Variants in DST observed in about 807,000 individuals in gnomAD.
DST encodes bullous pemphigoid antigen.
A neutral mutation model predicts 875.2 loss-of-function variants in DST; 253 were observed. That is an observed-to-expected ratio of 0.29 (90% CI 0.26 to 0.32). The LOEUF (loss-of-function observed/expected upper bound fraction) is 0.32, where lower values mean the gene tolerates loss of function less well. Ranked by LOEUF, DST falls within the 10% of genes least tolerant of loss-of-function variation. The pLI, the probability that DST is intolerant of heterozygous loss-of-function variation, is 1.00. For missense variants in DST, 8,287 were observed against 9,111.6 expected (o/e 0.91, Z 3.68); for synonymous variants, 3,124 against 3,197.1 (o/e 0.98, Z 0.77).
intron 3 of DST, among the ~76,000 whole-genome samples, chr6:56,875,220 G>A (rs987625699): frequency 6.6e-6 from 1 of 151,890 alleles, no homozygotes; most frequent in Non-Finnish European, 1.5e-5. Flanking sequence ...TCCTGGCCTC[G>A]TGATCCGCCC....
chr6:56,466,926 G>A lies in DST; in HGVS notation c.22570-731C>T, dbSNP rs148439194. On this transcript the variant is annotated intron_variant, in intron 98 of 103. Coordinates refer to ENST00000680361, the MANE Select transcript of DST (RefSeq NM_001374736.1). ...CATAGTTGTCTGTACCATAACTGTT[G>A]ATACTAACAGGCAATCATCTTTTTC... The A allele has an allele frequency of 1.9e-4, 29 of 152,196 alleles. No individual in the cohort carries two copies. The East Asian group carries it at 4.0e-3, about 21-fold the overall frequency. The allele number at this position is 152,196 out of a possible 1,614,324, so 9.4% of individuals were successfully genotyped here.
chr6:56,771,906 T>G (rs1449989203), intron 4 of DST, among the ~76,000 whole-genome samples: 1 of 152,184 alleles, frequency 6.6e-6, no homozygotes, highest in Non-Finnish European at 1.5e-5. Context: ...ATTATAACAT[T>G]GCATTGAAGA....
At chr6:56,644,437 G>C (rs1477302114) in intron 15 of DST, among the ~76,000 whole-genome samples, 4 of 151,346 alleles carry the variant, frequency 2.6e-5, no homozygotes, top group East Asian at 1.9e-4. Flanking sequence ...GTAAGGCACA[G>C]AGAACATGAC....
At chr6:56,520,940 G>A (rs889780939) in intron 69 of DST, among the ~76,000 whole-genome samples, 2 of 151,860 alleles carry the variant, frequency 1.3e-5, no homozygotes, top group African/African-American at 2.4e-5. Flanking sequence ...ATTTAATATC[G>A]TCAAGTTTAT....
intron 4 of DST, among the ~76,000 whole-genome samples, chr6:56,824,996 T>C (rs547966916): frequency 6.6e-6 from 1 of 151,986 alleles, no homozygotes; most frequent in East Asian, 1.9e-4. Context: ...GTCTGGGAGG[T>C]GTACCCAACA....
Position 56,640,139 on chromosome 6 carries a change from T to C in DST, c.2490+4A>G, listed in dbSNP as rs752966209. ...ACACTCAGGTAAAGTAAACATTTTTTTACCTGCATCTCATCAACCCAATTC... is the reference window on the plus strand; with the variant it reads ...ACACTCAGGTAAAGTAAACATTTTTCTACCTGCATCTCATCAACCCAATTC... On this transcript the variant is annotated splice_donor_region_variant and intron_variant, in intron 18 of 103. Coordinates refer to ENST00000680361, the MANE Select transcript of DST (RefSeq NM_001374736.1). 1.2e-6 allele frequency: 2 copies of C among 1,613,888 alleles called. No homozygotes were observed. The highest frequency in any genetic ancestry group is 2.2e-5 in the South Asian group (2 of 91,076).
chr6:56,945,041 A>G (rs1818730210), intron 2 of DST, among the ~76,000 whole-genome samples: 1 of 152,220 alleles, frequency 6.6e-6, no homozygotes, highest in South Asian at 2.1e-4. Flanking sequence ...TATACTGAAA[A>G]TGACATGGTA....
In DST at chr6:56,489,588, G is replaced by C; in HGVS notation, c.20779C>G (p.Leu6927Val). ...TCTGACTCTTCTAGCCACTCCATAA[G>C]TTTACTCCAAGCTTCATGGAACTAG... ...AKQFHEAWSK[L>V]MEWLEESEKS... is the part of the protein sequence containing the mutation. The change falls in exon 86 of 104, where the codon CTT (leucine) becomes GTT (valine). Residue 6927 changes from leucine (L) to valine (V), a missense_variant. Leu to Val is a conservative substitution (Grantham distance 32). This residue lies in a region of DST where 1,292 missense variants were observed against 1,552.7 expected (regional missense o/e 0.83). Coordinates refer to ENST00000680361, the MANE Select transcript of DST (RefSeq NM_001374736.1). The C allele has an allele frequency of 1.2e-6, 2 of 1,612,200 alleles. No homozygotes were observed. The highest frequency in any genetic ancestry group is 1.7e-6 in the Non-Finnish European group (2 of 1,179,110).
At chr6:56,639,833 C>T (rs2098871756) in intron 19 of DST, 60 bp from the exon 20 acceptor site, 1 of 1,583,676 alleles carries the variant, frequency 6.3e-7, no homozygotes, top group Middle Eastern at 2.0e-4. Flanking sequence ...CTGACTCACA[C>T]TTAATGTATC....
chr6:56,727,903 T>C (rs528159666), intron 5 of DST, among the ~76,000 whole-genome samples: 1 of 152,356 alleles, frequency 6.6e-6, no homozygotes, highest in South Asian at 2.1e-4. Flanking sequence ...GCCAACATTT[T>C]AGCTACTTCA....
intron 50 of DST, among the ~76,000 whole-genome samples, chr6:56,576,081 T>G (rs2097858880): frequency 1.3e-5 from 2 of 152,174 alleles, no homozygotes; most frequent in Non-Finnish European, 1.5e-5. Flanking sequence ...GCCAATGATG[T>G]AATCAATCAT....
rs757060967 is a variant in DST at position 56,528,850 on chromosome 6, G to C, written c.17671C>G (p.Gln5891Glu). Reference protein sequence around the residue: ...ALLNGLELLKQTTGDEVLIIQ... With the variant: ...ALLNGLELLKETTGDEVLIIQ... The stretch of plus-strand genomic sequence containing the variant: ...TTGAAAGATATCTCACCTGTGGTTT[G>C]TTTAAGTAGTTCTAAACCATTTAGT... The change falls in exon 67 of 104, where the codon CAA becomes GAA. Residue 5891 changes from glutamine (Q) to glutamate (E), a missense_variant. This residue lies in a region of DST where 777 missense variants were observed against 764.8 expected (regional missense o/e 1.02). Transcript: ENST00000680361. 8.3e-6 allele frequency: 13 copies of C among 1,567,826 alleles called. No individual in the cohort carries two copies. The East Asian group carries it at 3.0e-4, about 36-fold the overall frequency.
intron 2 of DST, among the ~76,000 whole-genome samples, chr6:56,920,009 A>G (rs1168885441): frequency 1.3e-5 from 2 of 152,198 alleles, no homozygotes; most frequent in African/African-American, 4.8e-5. Context: ...ACTTCAATCA[A>G]TGTGGTTATT....
At chr6:56,586,176 G>T (rs1489807839) in intron 49 of DST, among the ~76,000 whole-genome samples, 2 of 151,718 alleles carry the variant, frequency 1.3e-5, no homozygotes, top group Non-Finnish European at 2.9e-5. Flanking sequence ...TCGTTGATCT[G>T]TCTAATGTTG....
chr6:56,618,025 T>G, intron 36 of DST: 1 of 1,614,188 alleles, frequency 6.2e-7, no homozygotes, highest in South Asian at 1.1e-5. Context: ...CCATTTCACA[T>G]GCGTTATCTT....
intron 61 of DST, among the ~76,000 whole-genome samples, chr6:56,547,311 C>T (rs1049538351): frequency 6.6e-6 from 1 of 152,154 alleles, no homozygotes; most frequent in Admixed American, 6.5e-5. Context: ...TCTCTCTTGA[C>T]CAGCATATGG....
At chr6:56,768,798 C>T (rs1177655105) in intron 4 of DST, among the ~76,000 whole-genome samples, 1 of 152,100 alleles carries the variant, frequency 6.6e-6, no homozygotes, top group Non-Finnish European at 1.5e-5. Flanking sequence ...TGGCTGGGCA[C>T]GGTGGCTCAC....
chr6:56,620,968 A>T (rs1472309569), intron 36 of DST, among the ~76,000 whole-genome samples: 1 of 152,234 alleles, frequency 6.6e-6, no homozygotes, highest in Non-Finnish European at 1.5e-5. Flanking sequence ...TTATTTTAAA[A>T]ATTAGCTAGC....
Position 56,604,253 on chromosome 6 carries a change from T to A in DST, c.10375A>T (p.Thr3459Ser). The part of the protein sequence containing the change: ...LKQDQHSQKI[T>S]GVFELMRELT... ...TCTCTCATCAATTCAAATACTCCTG[T>A]AATTTTTTGGCTATGTTGATCTTGC... Residue 3459 changes from threonine to serine, a missense_variant, in exon 40 of 104, where the codon ACA (threonine) becomes TCA (serine). Thr to Ser is a moderately conservative substitution (Grantham distance 58, BLOSUM62 1). Around this residue, in one of 10 missense-constraint regions of DST, gnomAD observed 3,138 missense variants for 3,116.6 expected, o/e 1.01. Coordinates refer to ENST00000680361, the MANE Select transcript of DST (RefSeq NM_001374736.1). 1 of 1,611,242 alleles carries A rather than the reference T, an allele frequency of 6.2e-7. No individual in the cohort carries two copies. The highest frequency in any genetic ancestry group is 8.5e-7 in the Non-Finnish European group (1 of 1,178,534).
Sources: gnomAD v4.1 joint callset for allele counts (sites outside exome capture counted in the v4.1 genomes callset) on GRCh38, gnomAD v4.1.1 for gene constraint, gnomAD v4.1.1 regional missense constraint, MANE v1.5 for transcripts, NCBI Gene and HGNC (gene_info 2026-07-23, HGNC 2026-07-21) for gene names.